Variants in SYNGR4 observed in about 807,000 individuals in gnomAD.
The protein encoded by SYNGR4 is synaptogyrin 4, also known as synaptogyrin-4.
A neutral mutation model predicts 15.5 loss-of-function variants in SYNGR4; 15 were observed. That is an observed-to-expected ratio of 0.97 (90% CI 0.65 to 1.49). The LOEUF is 1.49. Among genes scored for constraint, SYNGR4 ranks in the 40% most tolerant of loss-of-function variants. The pLI is 0.00. For synonymous variants in SYNGR4, 121 were observed against 127.4 expected, an observed-to-expected ratio of 0.95 and a Z score of 0.34; for missense variants, 292 against 299.3, an observed-to-expected ratio of 0.98 and a Z score of 0.18.
chr19:48,366,405 A>G (rs1313367986), intron 2 of SYNGR4, among the ~76,000 whole-genome samples: 1 of 151,250 alleles, frequency 6.6e-6, no homozygotes, highest in African/African-American at 2.4e-5. Context: ...AAAAAAAAAG[A>G]AAAAAGAAAA....
intron 3 of SYNGR4, among the ~76,000 whole-genome samples, chr19:48,374,638 C>T (rs991961459): frequency 6.6e-6 from 1 of 152,172 alleles, no homozygotes; most frequent in Non-Finnish European, 1.5e-5. Context: ...CCTGCGCCTT[C>T]TCATGCAGGA....
At position 48,365,025 on chromosome 19, in the gene SYNGR4, C is replaced by A. The variant is rs114087863; in HGVS notation, c.-108+488C>A. On this transcript the variant is annotated intron_variant, in intron 1 of 4. Transcript: ENST00000344846. ...AAGCAGCCCCTTCACTTATGTCCCCCACTCCTGGGACCCCCAGAATCACCC... is the reference window on the plus strand; with the variant it reads ...AAGCAGCCCCTTCACTTATGTCCCCAACTCCTGGGACCCCCAGAATCACCC... Among the ~76,000 whole-genome samples the A allele has an allele frequency of 6.4e-3, 969 of 151,780 alleles. 17 individuals carry two copies. Among genetic ancestry groups the A allele is most frequent in the African/African-American group, 0.023 (934 of 41,316 alleles).
rs376351171 is a variant in SYNGR4 at position 48,365,887 on chromosome 19, C to T, written c.45C>T (p.Ala15=). The change falls in exon 2 of 5, where the codon GCC becomes GCT. Residue 15 remains alanine (A), a synonymous_variant. Transcript: ENST00000344846. The stretch of plus-strand genomic sequence containing the variant: ...TCCAGGAGCTGGCCAACAGCGAAGC[C>T]GTGCAGTTTCTGAGAAGGCCCAAGA... ...KSLQELANSE[A]VQFLRRPKTI... 1.3e-5 allele frequency: 21 copies of T among 1,613,800 alleles called. No individual in the cohort carries two copies. The highest frequency in any genetic ancestry group is 3.3e-4 in the Middle Eastern group (2 of 6,084).
chr19:48,375,696 G>A lies in SYNGR4; in HGVS notation c.415G>A (p.Gly139Arg), dbSNP rs1182512129. ...TTCGCCGCCCAAAGAGTTCCTCCTG[G>A]GGAGCAGCAGTGCCCAGGCAGCCAT... ...QHSPPKEFLL[G>R]SSSAQAAIAF... Residue 139 changes from glycine to arginine, a missense_variant, in exon 4 of 5, where the codon GGG becomes AGG. Coordinates refer to ENST00000344846, the MANE Select transcript of SYNGR4 (RefSeq NM_012451.4). 3 of 1,613,958 alleles carry A rather than the reference G, an allele frequency of 1.9e-6. No individual in the cohort carries two copies. In the African/African-American group the frequency reaches 4.0e-5, roughly 22 times the overall value.
chr19:48,375,469 C>G, intron 3 of SYNGR4, 144 bp from the exon 4 acceptor site: 1 of 1,032,996 alleles, frequency 9.7e-7, no homozygotes, highest in Admixed American at 2.6e-5. Context: ...GATGTGTCAA[C>G]ATAGAAGCTA....
rs776311971 is a variant in SYNGR4, at chr19:48,375,682, A to G, written c.401A>G (p.Lys134Arg). 8 of 1,613,882 alleles carry G rather than the reference A, an allele frequency of 5.0e-6. No individual in the cohort carries two copies. Among genetic ancestry groups the G allele is most frequent in the Admixed American group, 1.7e-5 (1 of 59,992 alleles). Residue 134 changes from lysine (K) to arginine (R), a missense_variant, in exon 4 of 5, where the codon AAA becomes AGA. Coordinates refer to ENST00000344846, the MANE Select transcript of SYNGR4 (RefSeq NM_012451.4). ...LANQWQHSPP[K>R]EFLLGSSSAQ... ...AACCAATGGCAGCATTCGCCGCCCA[A>G]AGAGTTCCTCCTGGGGAGCAGCAGT...
intron 2 of SYNGR4, among the ~76,000 whole-genome samples, chr19:48,370,386 G>A (rs1970285966): frequency 6.6e-6 from 1 of 152,120 alleles, no homozygotes; most frequent in African/African-American, 2.4e-5. Context: ...AGGAGGCTGA[G>A]GTGGGAGGAT....
rs1600947954 is a variant in SYNGR4, at chr19:48,374,170, C to T, written c.331+416C>T. ...TCGGCTCACTGCAACCTCCGCCTCC[C>T]GGGTTCAAGCGATTCTCCTGTCTCA... On this transcript the variant is annotated intron_variant, in intron 3 of 4. Coordinates refer to ENST00000344846, the MANE Select transcript of SYNGR4 (RefSeq NM_012451.4). 3.3e-5 allele frequency among the ~76,000 whole-genome samples: 5 copies of T among 151,730 alleles called. No homozygotes were observed. The South Asian group carries it at 1.0e-3, about 32-fold the overall frequency.
intron 2 of SYNGR4, chr19:48,373,284 C>T: frequency 3.7e-6 from 2 of 545,598 alleles, no homozygotes; most frequent in East Asian, 3.1e-5. Flanking sequence ...GGTGGGGAGG[C>T]TGGGAGGAGG....
chr19:48,374,375 A>G (rs527778478), intron 3 of SYNGR4, among the ~76,000 whole-genome samples: 1 of 152,140 alleles, frequency 6.6e-6, no homozygotes, highest in African/African-American at 2.4e-5. Flanking sequence ...CACCACGCCC[A>G]GCCAAAGTCT....
At chr19:48,372,621 A>G (rs1225726012) in intron 2 of SYNGR4, among the ~76,000 whole-genome samples, 1 of 151,948 alleles carries the variant, frequency 6.6e-6, no homozygotes, top group Non-Finnish European at 1.5e-5. Flanking sequence ...ACTGCACTCC[A>G]GCCTGGGTGA....
At chr19:48,369,874 A>G (rs937555713) in intron 2 of SYNGR4, among the ~76,000 whole-genome samples, 7 of 152,104 alleles carry the variant, frequency 4.6e-5, no homozygotes, top group African/African-American at 1.7e-4. Context: ...TCTGCTCCAA[A>G]ATAGGGAGAA....
chr19:48,370,320 C>T (rs916114445), intron 2 of SYNGR4, among the ~76,000 whole-genome samples: 2 of 152,012 alleles, frequency 1.3e-5, no homozygotes, highest in Non-Finnish European at 2.9e-5. Flanking sequence ...ACCGTCTCTA[C>T]AAAAAATTAA....
chr19:48,365,949 A>C lies in SYNGR4; in HGVS notation c.93+14A>C. 1 of 1,612,532 alleles carries C rather than the reference A, an allele frequency of 6.2e-7. No homozygotes were observed. Among genetic ancestry groups the C allele is most frequent in the Non-Finnish European group, 8.5e-7 (1 of 1,179,528 alleles). On this transcript the variant is annotated intron_variant, in intron 2 of 4. Transcript: ENST00000344846. ...GTCTTCGAAGGGGTGAGGCCCTCCC[A>C]TGGCCCGACTGTGCCCCTGGGTGAC...
intron 2 of SYNGR4, among the ~76,000 whole-genome samples, chr19:48,371,756 T>G (rs981274363): frequency 6.6e-6 from 1 of 151,212 alleles, no homozygotes; most frequent in Non-Finnish European, 1.5e-5. Context: ...TTTTTTTTTT[T>G]AAGAAGTTTT....
rs574928393 is a variant in SYNGR4 at position 48,376,246 on chromosome 19, T to G, written c.633T>G (p.Tyr211Ter). ...MPTTGPNSLS[Y>*]ASSALSPCLT... The stretch of plus-strand genomic sequence containing the variant: ...CCACTGGCCCCAACAGCCTGAGTTA[T>G]GCTAGCTCTGCCCTGTCCCCCTGTC... Residue 211 changes from tyrosine (Y) to a stop codon, truncating the protein, a stop_gained, in exon 5 of 5, where the codon TAT (tyrosine) becomes TAG (stop). Coordinates refer to ENST00000344846, the MANE Select transcript of SYNGR4 (RefSeq NM_012451.4). LOFTEE classifies it high-confidence loss of function. 12 of 1,614,140 alleles carry G rather than the reference T, an allele frequency of 7.4e-6. No individual in the cohort carries two copies. In the African/African-American group the frequency reaches 1.5e-4, roughly 20 times the overall value.
At chr19:48,371,615 T>C (rs1970308112) in intron 2 of SYNGR4, among the ~76,000 whole-genome samples, 1 of 150,746 alleles carries the variant, frequency 6.6e-6, no homozygotes, top group Non-Finnish European at 1.5e-5. Flanking sequence ...CCTCACTGTG[T>C]CACCCAGCCT....
chr19:48,374,725 C>T (rs1397826431), intron 3 of SYNGR4, among the ~76,000 whole-genome samples: 1 of 152,164 alleles, frequency 6.6e-6, no homozygotes, highest in African/African-American at 2.4e-5. Flanking sequence ...CCTGGAATCC[C>T]AGCACTTTGG....
At position 48,375,569 on chromosome 19, in the gene SYNGR4, G is replaced by C. The variant is rs780081923; in HGVS notation, c.332-44G>C. On this transcript the variant is annotated intron_variant, in intron 3 of 4. Coordinates refer to ENST00000344846, the MANE Select transcript of SYNGR4 (RefSeq NM_012451.4). ...CCCATGCCTCAGCAGCCCTGCCTGAGTGAGCTTTCCCCCTGCCCCTTTTCT... is the reference window on the plus strand; with the variant it reads ...CCCATGCCTCAGCAGCCCTGCCTGACTGAGCTTTCCCCCTGCCCCTTTTCT... The C allele has an allele frequency of 5.7e-6, 9 of 1,586,330 alleles. No homozygotes were observed. The East Asian group carries it at 1.1e-4, about 20-fold the overall frequency.
Sources: gnomAD v4.1 joint callset for allele counts (sites outside exome capture counted in the v4.1 genomes callset) on GRCh38, gnomAD v4.1.1 for gene constraint, MANE v1.5 for transcripts, NCBI Gene and HGNC (gene_info 2026-07-23, HGNC 2026-07-21) for gene names.